Variants in DSG1 observed in about 807,000 individuals in gnomAD.
DSG1 encodes desmoglein 1.
Under a neutral mutation model 97.5 loss-of-function variants are expected in DSG1, and 39 were observed. The observed-to-expected ratio is 0.40, with a 90% CI of 0.31 to 0.52. The LOEUF (loss-of-function observed/expected upper bound fraction) is 0.52. Ranked by LOEUF, DSG1 falls within the 20% of genes least tolerant of loss-of-function variation. The pLI is 0.53. For synonymous variants in DSG1, 475 were observed against 443.4 expected (o/e 1.07, Z -0.90); for missense variants, 1,311 against 1,295.4 (o/e 1.01, Z -0.18).
At position 31,354,389 on chromosome 18, in the gene DSG1, C is replaced by A; in HGVS notation, c.2193C>A (p.Gly731=). The change falls in exon 15 of 15, where the codon GGC becomes GGA. Residue 731 remains glycine (G), a synonymous_variant. Coordinates refer to ENST00000257192, the MANE Select transcript of DSG1 (RefSeq NM_001942.4). ...TCGAAGGTGTAGGTTCCCCTGCTGG[C>A]TCTGTGGGTTGTTGTAGCTTCATTG... The part of the protein sequence containing the change: ...YDIEGVGSPA[G]SVGCCSFIGE... The A allele has an allele frequency of 1.2e-6, 2 of 1,614,214 alleles. No homozygotes were observed. Among genetic ancestry groups the A allele is most frequent in the Non-Finnish European group, 1.7e-6 (2 of 1,180,028 alleles).
chr18:31,347,336 C>A (rs932412708), intron 14 of DSG1, among the ~76,000 whole-genome samples: 1 of 152,098 alleles, frequency 6.6e-6, no homozygotes, highest in Non-Finnish European at 1.5e-5. Flanking sequence ...ATCAGAGACC[C>A]CTTCCTTGAT....
intron 14 of DSG1, among the ~76,000 whole-genome samples, chr18:31,346,948 AAG>A (rs1369586305): frequency 6.6e-6 from 1 of 152,154 alleles, no homozygotes; most frequent in Non-Finnish European, 1.5e-5. Flanking sequence ...AGGTGGTGGG[AAG>A]AGCATGAAGC....
At chr18:31,346,532 T>G (rs2071839030) in intron 14 of DSG1, among the ~76,000 whole-genome samples, 1 of 152,160 alleles carries the variant, frequency 6.6e-6, no homozygotes, top group Non-Finnish European at 1.5e-5. Context: ...CTCCACTTGC[T>G]GAGCACCTTT....
chr18:31,324,412 A>C (rs2071673502), intron 1 of DSG1, among the ~76,000 whole-genome samples: 1 of 151,806 alleles, frequency 6.6e-6, no homozygotes, highest in Non-Finnish European at 1.5e-5. Context: ...TGGAAATTTC[A>C]AATTCTCACG....
At chr18:31,342,246 A>G (rs1041426367) in intron 11 of DSG1, among the ~76,000 whole-genome samples, 1 of 151,906 alleles carries the variant, frequency 6.6e-6, no homozygotes, top group Non-Finnish European at 1.5e-5. Context: ...TTGTTTTTTT[A>G]CATTGCGGAC....
rs146294475 is a variant in DSG1, at chr18:31,346,157, G to A, written c.2059G>A (p.Gly687Arg). ...AAATTCTATGAGGGAATGTAGAGAAGGAGGTCTGAATATGAATTTCATGGA... is the reference window on the plus strand; with the variant it reads ...AAATTCTATGAGGGAATGTAGAGAAAGAGGTCTGAATATGAATTTCATGGA... ...RRNSMRECREGGLNMNFMESY... is the reference protein window; with the variant it reads ...RRNSMRECRERGLNMNFMESY... Residue 687 changes from glycine to arginine, a missense_variant, in exon 14 of 15, where the codon GGA becomes AGA. Physicochemically the swap from Gly to Arg is moderately radical, Grantham distance 125 (BLOSUM62 -2). Coordinates refer to ENST00000257192, the MANE Select transcript of DSG1 (RefSeq NM_001942.4). 616 of 1,613,912 alleles carry A rather than the reference G, an allele frequency of 3.8e-4. 3 individuals are homozygous for A. The African/African-American group carries it at 7.6e-3, about 20-fold the overall frequency.
rs896384124 is a variant in DSG1 at position 31,352,703 on chromosome 18, G to A, written c.2101-1594G>A. On this transcript the variant is annotated intron_variant, in intron 14 of 14. Coordinates refer to ENST00000257192, the MANE Select transcript of DSG1 (RefSeq NM_001942.4). ...CTTTTTTCTCTAAACTTCCCTTCTCGCTTCATTTCATTCATTTCATCTTCC... is the reference window on the plus strand; with the variant it reads ...CTTTTTTCTCTAAACTTCCCTTCTCACTTCATTTCATTCATTTCATCTTCC... 2.0e-3 allele frequency among the ~76,000 whole-genome samples: 280 copies of A among 140,940 alleles called. 3 individuals carry two copies. Among genetic ancestry groups the A allele is most frequent in the Middle Eastern group, 0.011 (3 of 282 alleles). The allele number at this position is 140,940 out of a possible 152,430, so 92.5% of individuals were successfully genotyped here. A position where few individuals can be genotyped will look rare whatever the true frequency, so the allele number is the denominator to read the frequency against.
chr18:31,324,612 C>G (rs535502301), intron 1 of DSG1, among the ~76,000 whole-genome samples: 1 of 152,274 alleles, frequency 6.6e-6, no homozygotes, highest in Non-Finnish European at 1.5e-5. Context: ...CAGTTTAAAA[C>G]TGCCATCCCC....
At position 31,339,839 on chromosome 18, in the gene DSG1, A is replaced by T; in HGVS notation, c.1501A>T (p.Thr501Ser). 1 of 1,614,068 alleles carries T rather than the reference A, an allele frequency of 6.2e-7. No individual in the cohort carries two copies. The highest frequency in any genetic ancestry group is 8.5e-7 in the Non-Finnish European group (1 of 1,179,920). ...RTNTEPNTKITTNTGRQESTS... is the reference protein window; with the variant it reads ...RTNTEPNTKISTNTGRQESTS... Reference sequence around the variant, plus strand: ...TAATACAGAGCCGAACACTAAAATTACTACCAATACTGGCAGACAAGAAAG... The same window carrying T: ...TAATACAGAGCCGAACACTAAAATTTCTACCAATACTGGCAGACAAGAAAG... The change falls in exon 11 of 15, where the codon ACT (threonine) becomes TCT (serine). Residue 501 changes from threonine to serine, a missense_variant. Physicochemically the swap from Thr to Ser is moderately conservative, Grantham distance 58 (BLOSUM62 1). Coordinates refer to ENST00000257192, the MANE Select transcript of DSG1 (RefSeq NM_001942.4).
intron 14 of DSG1, among the ~76,000 whole-genome samples, chr18:31,352,165 G>T (rs1568049072): frequency 6.6e-6 from 1 of 151,714 alleles, no homozygotes; most frequent in African/African-American, 2.4e-5. Context: ...GGCAGGCCTG[G>T]TGGTGACAAA....
At chr18:31,319,706 G>A (rs1013419313) in intron 1 of DSG1, among the ~76,000 whole-genome samples, 1 of 152,116 alleles carries the variant, frequency 6.6e-6, no homozygotes, top group Admixed American at 6.6e-5. Context: ...TGATCAGCTT[G>A]TTCAGATAGG....
At chr18:31,327,765 A>C (rs2071695352) in intron 3 of DSG1, among the ~76,000 whole-genome samples, 1 of 152,152 alleles carries the variant, frequency 6.6e-6, no homozygotes, top group South Asian at 2.1e-4. Flanking sequence ...TTTACATTTA[A>C]AACAAATTGA....
chr18:31,345,209 A>G (rs1238436841), intron 13 of DSG1, among the ~76,000 whole-genome samples: 1 of 152,216 alleles, frequency 6.6e-6, no homozygotes, highest in Non-Finnish European at 1.5e-5. Flanking sequence ...CTGAAGCATG[A>G]AAAACAGACT....
chr18:31,331,708 G>T lies in DSG1; in HGVS notation c.525G>T (p.Leu175=), dbSNP rs2071721933. Residue 175 remains leucine, a synonymous_variant, in exon 6 of 15, where the codon CTG becomes CTT. Coordinates refer to ENST00000257192, the MANE Select transcript of DSG1 (RefSeq NM_001942.4). ...QIEENSNANT[L]VMILNATDAD... The stretch of plus-strand genomic sequence containing the variant: ...ATTTTCCTTAATTTCTAGATACACT[G>T]GTGATGATACTCAATGCTACTGACG... 3.1e-6 allele frequency: 5 copies of T among 1,612,284 alleles called. No homozygotes were observed. Among genetic ancestry groups the T allele is most frequent in the Non-Finnish European group, 4.2e-6 (5 of 1,178,860 alleles).
At chr18:31,322,543 A>T (rs1376839033) in intron 1 of DSG1, among the ~76,000 whole-genome samples, 1 of 152,212 alleles carries the variant, frequency 6.6e-6, no homozygotes, top group Non-Finnish European at 1.5e-5. Context: ...GAAAAGAATA[A>T]ATTAGAGAAT....
intron 1 of DSG1, among the ~76,000 whole-genome samples, chr18:31,318,696 A>G (rs1235451752): frequency 6.6e-6 from 1 of 151,312 alleles, no homozygotes; most frequent in African/African-American, 2.4e-5. Context: ...ACTAAATATC[A>G]CAAGTGTGTC....
intron 10 of DSG1, among the ~76,000 whole-genome samples, chr18:31,338,966 C>T (rs1477400426): frequency 2.6e-5 from 4 of 152,090 alleles, no homozygotes; most frequent in Admixed American, 2.6e-4. Flanking sequence ...GTGCCAGATT[C>T]TAGGGTTACA....
At chr18:31,348,223 G>GT (rs2144115251) in intron 14 of DSG1, among the ~76,000 whole-genome samples, 1 of 146,638 alleles carries the variant, frequency 6.8e-6, no homozygotes, top group South Asian at 2.2e-4. Context: ...GCGGTGTTTG[G>GT]TTTTTTGTTC....
intron 1 of DSG1, 44 bp downstream of exon 1, chr18:31,318,392 TA>T (rs747555016): frequency 6.5e-7 from 1 of 1,545,076 alleles, no homozygotes; most frequent in Non-Finnish European, 9.0e-7. Flanking sequence ...GTGCCCATTG[TA>T]AACAAGTGAA....
Sources: allele counts gnomAD v4.1 joint callset (sites outside exome capture counted in the v4.1 genomes callset), GRCh38; gene constraint gnomAD v4.1.1; transcripts MANE v1.5; gene names NCBI Gene and HGNC (gene_info 2026-07-23, HGNC 2026-07-21).